TRAPPC9: variants seen among roughly 807,000 people sequenced by gnomAD.
TRAPPC9 encodes trafficking protein particle complex subunit 9.
Under a neutral mutation model 124.0 loss-of-function variants are expected in TRAPPC9, and 83 were observed. The observed-to-expected ratio is 0.67, with a 90% CI of 0.56 to 0.80. The LOEUF (loss-of-function observed/expected upper bound fraction) is 0.80. Ranked by LOEUF, TRAPPC9 falls within the 30% of genes least tolerant of loss-of-function variation. The pLI, the probability that TRAPPC9 is intolerant of heterozygous loss-of-function variation, is 0.00. For missense variants in TRAPPC9, 1,302 were observed against 1,508.3 expected (o/e 0.86, Z 2.27); for synonymous variants, 638 against 617.5 (o/e 1.03, Z -0.49).
chr8:140,082,135 C>A (rs1843864802), intron 17 of TRAPPC9: 1 of 152,176 alleles, frequency 6.6e-6, no homozygotes, highest in Non-Finnish European at 1.5e-5. Context: ...CCATTTCTTC[C>A]TTATCTGAAA....
chr8:140,319,900 C>G (rs531769654), intron 9 of TRAPPC9, among the ~76,000 whole-genome samples: 1 of 152,276 alleles, frequency 6.6e-6, no homozygotes, highest in African/African-American at 2.4e-5. Flanking sequence ...GGCTTGAAAA[C>G]CAGTGCATCA....
chr8:140,026,759 T>C (rs1423266609), intron 17 of TRAPPC9, among the ~76,000 whole-genome samples: 5 of 152,246 alleles, frequency 3.3e-5, no homozygotes, highest in African/African-American at 4.8e-5. Flanking sequence ...TCAATATTTG[T>C]ACTGCCAGAG....
chr8:139,780,165 A>C (rs1014943725), intron 21 of TRAPPC9, among the ~76,000 whole-genome samples: 4 of 152,206 alleles, frequency 2.6e-5, no homozygotes, highest in African/African-American at 9.6e-5. Context: ...ACTGATTCTA[A>C]AGTTTATATG....
At chr8:139,885,116 A>G (rs1829919274) in intron 21 of TRAPPC9, among the ~76,000 whole-genome samples, 1 of 152,238 alleles carries the variant, frequency 6.6e-6, no homozygotes, top group South Asian at 2.1e-4. Context: ...GGGGATATGT[A>G]TGCTTGCAAC....
At chr8:139,987,565 G>GAGAA (rs1837321422) in intron 19 of TRAPPC9, among the ~76,000 whole-genome samples, 1 of 152,088 alleles carries the variant, frequency 6.6e-6, no homozygotes, top group African/African-American at 2.4e-5. Flanking sequence ...GAGAGAGAGA[G>GAGAA]AGAAAGATCT....
In TRAPPC9 at chr8:139,961,468, G is replaced by A. The variant is rs929988870; in HGVS notation, c.2810+27258C>T. 8.1e-5 allele frequency among the ~76,000 whole-genome samples: 10 copies of A among 123,682 alleles called. 1 individual carries two copies. The highest frequency in any genetic ancestry group is 2.5e-4 in the African/African-American group (10 of 39,290). 81.1% of individuals were successfully genotyped at this position (123,682 alleles called of 152,430 possible). On this transcript the variant is annotated intron_variant, in intron 19 of 22. Transcript: ENST00000438773. ...GCCTCCTGCTCTACGGAGCAGGCAA[G>A]AGCCCCACCCTACTGGGCAGGGCTA...
At chr8:140,233,593 TCTCTCC>T (rs1216206875) in intron 16 of TRAPPC9, among the ~76,000 whole-genome samples, 1 of 127,300 alleles carries the variant, frequency 7.9e-6, no homozygotes, top group Non-Finnish European at 1.7e-5. Context: ...TCTCTCTCGC[TCTCTCC>T]CTCCCTCCCT....
chr8:140,440,972 CTTT>C (rs60379205), intron 2 of TRAPPC9, among the ~76,000 whole-genome samples: 6 of 80,302 alleles, frequency 7.5e-5, no homozygotes, highest in Admixed American at 1.7e-4. Context: ...AACACTGTTA[CTTT>C]TTTTTTTTTT....
chr8:140,005,486 G>A (rs1286076943), intron 18 of TRAPPC9, among the ~76,000 whole-genome samples: 1 of 152,148 alleles, frequency 6.6e-6, no homozygotes, highest in Non-Finnish European at 1.5e-5. Flanking sequence ...GCAGCCTGGT[G>A]AAGTTTTGGG....
chr8:140,330,114 A>G (rs563221447), intron 9 of TRAPPC9, among the ~76,000 whole-genome samples: 1 of 152,142 alleles, frequency 6.6e-6, no homozygotes, highest in Admixed American at 6.5e-5. Context: ...CTATATGTTC[A>G]CGCTTTTTGC....
At chr8:140,089,629 C>T (rs574663508) in intron 17 of TRAPPC9, among the ~76,000 whole-genome samples, 54 of 152,314 alleles carry the variant, frequency 3.5e-4, no homozygotes, top group Non-Finnish European at 6.3e-4. Flanking sequence ...TGCCTTCCTG[C>T]CTGTCTCCCC....
At position 140,360,093 on chromosome 8, in the gene TRAPPC9, C is replaced by G. The variant is rs1178309253; in HGVS notation, c.1452G>C (p.Leu484=). Residue 484 remains leucine, a synonymous_variant, in exon 9 of 23, where the codon CTG becomes CTC. Coordinates refer to ENST00000438773, the MANE Select transcript of TRAPPC9 (RefSeq NM_001160372.4). ...CCAGCATGGTCTGTAGAAGGAAGGACAGGTGTCTGACAGAGAGGGCAGGGT... is the reference window on the plus strand; with the variant it reads ...CCAGCATGGTCTGTAGAAGGAAGGAGAGGTGTCTGACAGAGAGGGCAGGGT... ...MGNPALSVRH[L]SFLLQTMLDF... is the part of the protein sequence containing the mutation. 1 of 1,614,078 alleles carries G rather than the reference C, an allele frequency of 6.2e-7. No individual in the cohort carries two copies. Among genetic ancestry groups the G allele is most frequent in the Non-Finnish European group, 8.5e-7 (1 of 1,180,056 alleles).
At chr8:140,316,992 T>C (rs530693193) in intron 9 of TRAPPC9, among the ~76,000 whole-genome samples, 2 of 152,296 alleles carry the variant, frequency 1.3e-5, no homozygotes, top group South Asian at 4.2e-4. Context: ...TCTAGGTCAC[T>C]GAGTTTGTTG....
At chr8:139,929,879 C>G (rs1157149947) in intron 19 of TRAPPC9, among the ~76,000 whole-genome samples, 2 of 152,216 alleles carry the variant, frequency 1.3e-5, no homozygotes, top group Admixed American at 6.5e-5. Context: ...CCATCCTCAT[C>G]TCCAGCCCAG....
intron 17 of TRAPPC9, among the ~76,000 whole-genome samples, chr8:140,050,246 G>C (rs1841903241): frequency 6.6e-6 from 1 of 152,224 alleles, no homozygotes; most frequent in African/African-American, 2.4e-5. Flanking sequence ...GAAGTCCTTG[G>C]CAGAGGATTC....
intron 20 of TRAPPC9, among the ~76,000 whole-genome samples, chr8:139,892,174 C>G (rs987037476): frequency 6.6e-6 from 1 of 152,256 alleles, no homozygotes; most frequent in Non-Finnish European, 1.5e-5. Flanking sequence ...GGGCCCCGCT[C>G]CTTCCTGGCC....
At chr8:140,247,863 T>TA (rs2064025328) in intron 16 of TRAPPC9, among the ~76,000 whole-genome samples, 1 of 152,226 alleles carries the variant, frequency 6.6e-6, no homozygotes, top group South Asian at 2.1e-4. Flanking sequence ...TTTATTCTAT[T>TA]ACAAATTCTT....
chr8:139,912,156 T>C (rs1452543703), intron 19 of TRAPPC9, among the ~76,000 whole-genome samples: 1 of 152,246 alleles, frequency 6.6e-6, no homozygotes, highest in Non-Finnish European at 1.5e-5. Context: ...TATACTCTAA[T>C]GTTAACATCT....
chr8:139,791,855 G>A (rs905511912), intron 21 of TRAPPC9, among the ~76,000 whole-genome samples: 4 of 152,172 alleles, frequency 2.6e-5, no homozygotes, highest in Non-Finnish European at 4.4e-5. Flanking sequence ...ATGCGGCTCC[G>A]CAACCCAGGA....
Sources: allele counts gnomAD v4.1 joint callset (sites outside exome capture counted in the v4.1 genomes callset), GRCh38; gene constraint gnomAD v4.1.1; transcripts MANE v1.5; gene names NCBI Gene and HGNC (gene_info 2026-07-23, HGNC 2026-07-21).